Variants in ELMOD3 observed in about 807,000 individuals in gnomAD.
The protein encoded by ELMOD3 is ELMO domain-containing protein 3.
Under a neutral mutation model 47.4 loss-of-function variants are expected in ELMOD3, and 36 were observed. The observed-to-expected ratio is 0.76, with a 90% CI of 0.58 to 1.00. The LOEUF (loss-of-function observed/expected upper bound fraction) is 1.00, where lower values mean the gene tolerates loss of function less well. ELMOD3 is among the 50% of genes least tolerant of loss of function. The pLI, the probability that ELMOD3 is intolerant of heterozygous loss-of-function variation, is 0.00. For synonymous variants in ELMOD3, 149 were observed against 183.5 expected, an observed-to-expected ratio of 0.81 and a Z score of 1.52; for missense variants, 404 against 463.8, an observed-to-expected ratio of 0.87 and a Z score of 1.18.
intron 4 of ELMOD3, 101 bp downstream of exon 4, chr2:85,357,353 C>A: frequency 1.4e-6 from 1 of 723,820 alleles, no homozygotes; most frequent in Non-Finnish European, 2.2e-6. Context: ...AATTTAGAAA[C>A]CCTCATTATA....
intron 11 of ELMOD3, among the ~76,000 whole-genome samples, chr2:85,378,559 A>C (rs1685329564): frequency 6.6e-6 from 1 of 152,242 alleles, no homozygotes; most frequent in Non-Finnish European, 1.5e-5. Flanking sequence ...GGTCATAGGT[A>C]GATAAGAGAC....
At chr2:85,389,632 T>C (rs1242477065) in intron 11 of ELMOD3, 119 bp from the exon 12 acceptor site, 1 of 720,842 alleles carries the variant, frequency 1.4e-6, no homozygotes. Flanking sequence ...GTGGAAGCAA[T>C]AATAATATCA....
At chr2:85,368,005 G>A (rs1013493016) in intron 6 of ELMOD3, among the ~76,000 whole-genome samples, 2 of 151,624 alleles carry the variant, frequency 1.3e-5, no homozygotes, top group African/African-American at 2.4e-5. Context: ...TCCGCCTCCC[G>A]CGTTCACGCA....
At chr2:85,375,098 C>G (rs961245666) in intron 10 of ELMOD3, among the ~76,000 whole-genome samples, 1 of 150,664 alleles carries the variant, frequency 6.6e-6, no homozygotes, top group Non-Finnish European at 1.5e-5. Context: ...AAAAAAAAAT[C>G]TTTGCTTTGT....
chr2:85,387,549 C>A (rs1686016279), intron 11 of ELMOD3, among the ~76,000 whole-genome samples: 1 of 151,082 alleles, frequency 6.6e-6, no homozygotes, highest in African/African-American at 2.4e-5. Context: ...ATAGTCCCAG[C>A]TATTTGGGAG....
intron 11 of ELMOD3, among the ~76,000 whole-genome samples, chr2:85,384,522 T>C (rs772192550): frequency 6.6e-6 from 1 of 152,170 alleles, no homozygotes; most frequent in Non-Finnish European, 1.5e-5. Context: ...TCTGTCTCTG[T>C]CTGGACCTGC....
chr2:85,384,988 AAT>A (rs1363647840), intron 11 of ELMOD3, among the ~76,000 whole-genome samples: 2 of 152,236 alleles, frequency 1.3e-5, no homozygotes, highest in African/African-American at 4.8e-5. Flanking sequence ...TCTAGAAGGT[AAT>A]AAGTACTAAG....
chr2:85,371,755 C>T (rs908527407), intron 10 of ELMOD3, 193 bp downstream of exon 10: 13 of 702,836 alleles, frequency 1.8e-5, no homozygotes, highest in Admixed American at 1.3e-4. Context: ...AAGAGTAGGT[C>T]GGGCGTGGTG....
intron 4 of ELMOD3, chr2:85,357,495 A>G: frequency 2.8e-6 from 1 of 362,804 alleles, no homozygotes; most frequent in Non-Finnish European, 5.0e-6. Flanking sequence ...AATTTCATTG[A>G]GGAATCACCC....
chr2:85,382,970 T>C (rs749949353), intron 11 of ELMOD3, among the ~76,000 whole-genome samples: 9 of 150,940 alleles, frequency 6.0e-5, no homozygotes, highest in Admixed American at 2.0e-4. Flanking sequence ...AAAACTCATC[T>C]TCCCTGTTAG....
At chr2:85,358,069 C>T (rs141539900) in intron 4 of ELMOD3, among the ~76,000 whole-genome samples, 2,757 of 152,134 alleles carry the variant, frequency 0.018, 38 homozygotes, top group Non-Finnish European at 0.026. Context: ...CACTTGAGGT[C>T]GGGAGTTGGA....
At chr2:85,387,050 CT>C in intron 11 of ELMOD3, 3 of 1,285,450 alleles carry the variant, frequency 2.3e-6, no homozygotes, top group Non-Finnish European at 2.0e-6. Context: ...TTCAGGTCCT[CT>C]GTTAATAATG....
intron 11 of ELMOD3, chr2:85,389,510 G>C: frequency 1.7e-6 from 1 of 573,810 alleles, no homozygotes; most frequent in Non-Finnish European, 3.1e-6. Flanking sequence ...CAGCTCTGGA[G>C]CAAATAACCT....
At chr2:85,374,350 T>TG (rs1220373744) in intron 10 of ELMOD3, among the ~76,000 whole-genome samples, 1 of 152,078 alleles carries the variant, frequency 6.6e-6, no homozygotes, top group Non-Finnish European at 1.5e-5. Flanking sequence ...AAAATAATTT[T>TG]TTTTTTCTTG....
chr2:85,390,255 T>C lies in ELMOD3; in HGVS notation c.933T>C (p.Phe311=). 4.3e-6 allele frequency: 7 copies of C among 1,614,194 alleles called. No individual in the cohort carries two copies. The highest frequency in any genetic ancestry group is 5.9e-6 in the Non-Finnish European group (7 of 1,180,044). ...GGAAGACCATCTCAGACTCGGGCTT[T>C]GTCCTCAAAGGTGTGCTCTTTCTTC... ...TQRKTISDSG[F]VLKELEVLAK... The change falls in exon 13 of 14, where the codon TTT becomes TTC. Residue 311 remains phenylalanine, a synonymous_variant. Transcript: ENST00000409013.
At chr2:85,362,387 A>G in intron 5 of ELMOD3, 127 bp downstream of exon 5, 1 of 683,260 alleles carries the variant, frequency 1.5e-6, no homozygotes, top group Non-Finnish European at 2.7e-6. Flanking sequence ...AAGAGCTCAC[A>G]CTTGAGGGGA....
chr2:85,385,623 C>T (rs1055056151), intron 11 of ELMOD3, among the ~76,000 whole-genome samples: 2 of 152,138 alleles, frequency 1.3e-5, no homozygotes, highest in Non-Finnish European at 2.9e-5. Context: ...GGCCCAGAGG[C>T]CTGACAGGAA....
intron 11 of ELMOD3, 37 bp downstream of exon 11, chr2:85,377,511 G>A (rs764268563): frequency 6.3e-6 from 10 of 1,585,990 alleles, no homozygotes; most frequent in Non-Finnish European, 8.6e-6. Context: ...AAAGGAAAGG[G>A]CCGTGGAGCT....
chr2:85,375,547 A>G (rs1454381124), intron 10 of ELMOD3, among the ~76,000 whole-genome samples: 1 of 151,998 alleles, frequency 6.6e-6, no homozygotes, highest in Non-Finnish European at 1.5e-5. Context: ...GTTCTTCTTT[A>G]TATCTGCTGT....
Sources: gnomAD v4.1 joint callset for allele counts (sites outside exome capture counted in the v4.1 genomes callset) on GRCh38, gnomAD v4.1.1 for gene constraint, MANE v1.5 for transcripts, NCBI Gene and HGNC (gene_info 2026-07-23, HGNC 2026-07-21) for gene names.